The following NEDD1 variants were observed in gnomAD, a reference collection of about 807,000 sequenced individuals.
NEDD1 encodes the protein protein NEDD1.
In NEDD1, 33 loss-of-function variants were observed where a neutral mutation model predicts 74.0. The ratio of observed to expected loss-of-function variants is 0.45; its 90% CI spans 0.34 to 0.60. The LOEUF is 0.60. Ranked by LOEUF, NEDD1 falls within the 20% of genes least tolerant of loss-of-function variation. The pLI is 0.01. For synonymous variants in NEDD1, 250 were observed against 264.4 expected (o/e 0.95, Z 0.53); for missense variants, 746 against 776.5 (o/e 0.96, Z 0.47).
intron 3 of NEDD1, 21 bp downstream of exon 3, chr12:96,909,916 A>AC: frequency 5.8e-6 from 7 of 1,216,322 alleles, no homozygotes; most frequent in Admixed American, 2.4e-5. Flanking sequence ...AAAAAAAAAA[A>AC]CACACACACA....
intron 6 of NEDD1, among the ~76,000 whole-genome samples, chr12:96,924,641 G>C (rs1371707513): frequency 2.0e-5 from 3 of 151,824 alleles, no homozygotes; most frequent in Non-Finnish European, 4.4e-5. Flanking sequence ...GTTCATATTT[G>C]TCTTTTGTCA....
chr12:96,920,251 T>C, intron 6 of NEDD1, 126 bp downstream of exon 6: 1 of 552,960 alleles, frequency 1.8e-6, no homozygotes, highest in Non-Finnish European at 3.1e-6. Context: ...TAAATGGTAG[T>C]GTTTTAAAAT....
intron 6 of NEDD1, among the ~76,000 whole-genome samples, chr12:96,926,974 G>GAA (rs1165418250): frequency 8.4e-6 from 1 of 119,116 alleles, no homozygotes; most frequent in Admixed American, 9.2e-5. Flanking sequence ...GTGACAGAGC[G>GAA]AAAAAAAAAA....
chr12:96,927,052 T>C (rs1875788960), intron 6 of NEDD1, among the ~76,000 whole-genome samples: 1 of 152,064 alleles, frequency 6.6e-6, no homozygotes, highest in Non-Finnish European at 1.5e-5. Context: ...CATAAAAATT[T>C]CAAATCTGTC....
Position 96,944,805 on chromosome 12 carries a change from T to C in NEDD1, c.1654+10T>C. 3 of 1,520,746 alleles carry C rather than the reference T, an allele frequency of 2.0e-6. No homozygotes were observed. Among genetic ancestry groups the C allele is most frequent in the Non-Finnish European group, 2.6e-6 (3 of 1,137,376 alleles). The allele number at this position is 1,520,746 out of a possible 1,614,324, so 94.2% of individuals were successfully genotyped here. ...GGATCCTCAACTCCAAGTAAGTACA[T>C]GAAACTTCCTGATGTTTGAAAGTGT... On this transcript the variant is annotated intron_variant, in intron 13 of 15. Transcript: ENST00000266742.
chr12:96,951,443 A>G lies in NEDD1; in HGVS notation c.1823A>G (p.His608Arg), dbSNP rs759774469. 8 of 1,566,766 alleles carry G rather than the reference A, an allele frequency of 5.1e-6. No homozygotes were observed. The highest frequency in any genetic ancestry group is 5.3e-6 in the Non-Finnish European group (6 of 1,141,296). ...ETLDDFREAC[H>R]RDIVNLQVEM... The stretch of plus-strand genomic sequence containing the variant: ...TACATTCTTCCTAGAGAAGCATGCC[A>G]TAGGGACATTGTGAATTTGCAAGTG... The change falls in exon 15 of 16, where the codon CAT becomes CGT. Residue 608 changes from histidine (H) to arginine (R), a missense_variant. Physicochemically the swap from His to Arg is conservative, Grantham distance 29 (BLOSUM62 0). Transcript: ENST00000266742.
At chr12:96,916,947 G>C (rs1874530771) in intron 4 of NEDD1, among the ~76,000 whole-genome samples, 1 of 152,158 alleles carries the variant, frequency 6.6e-6, no homozygotes, top group Non-Finnish European at 1.5e-5. Flanking sequence ...ATTCATTCTT[G>C]GGTTGGAGTT....
At chr12:96,938,027 G>C (rs1877299909) in intron 9 of NEDD1, among the ~76,000 whole-genome samples, 1 of 151,938 alleles carries the variant, frequency 6.6e-6, no homozygotes, top group Admixed American at 6.6e-5. Context: ...AGTCTACATG[G>C]TATACTAGTA....
At chr12:96,923,921 ATGTT>A (rs1875408838) in intron 6 of NEDD1, among the ~76,000 whole-genome samples, 1 of 150,988 alleles carries the variant, frequency 6.6e-6, no homozygotes, top group African/African-American at 2.4e-5. Flanking sequence ...CTTTTCTTTT[ATGTT>A]TGTTGCTTTT....
At position 96,940,447 on chromosome 12, in the gene NEDD1, G is replaced by A; in HGVS notation, c.1156G>A (p.Glu386Lys). The change falls in exon 10 of 16, where the codon GAA (glutamate) becomes AAA (lysine). Residue 386 changes from glutamate (E) to lysine (K), a missense_variant. Physicochemically the swap from Glu to Lys is moderately conservative, Grantham distance 56. This residue lies in a region of NEDD1 where 706 missense variants were observed against 706.7 expected (regional missense o/e 1.00). Transcript: ENST00000266742. ...CATAAACACAGACACTTTATCTAAG[G>A]AAACAGACAGTGGAAAAAATCAGGA... The part of the protein sequence containing the change: ...RSINTDTLSK[E>K]TDSGKNQDFS... 6.2e-7 allele frequency: 1 copy of A among 1,602,610 alleles called. No homozygotes were observed.
chr12:96,921,817 T>G (rs1208771691), intron 6 of NEDD1, among the ~76,000 whole-genome samples: 5 of 151,114 alleles, frequency 3.3e-5, no homozygotes, highest in Non-Finnish European at 5.9e-5. Context: ...GGTCTCAGTA[T>G]GTTGTCCAGG....
At chr12:96,924,093 A>G (rs1231051896) in intron 6 of NEDD1, among the ~76,000 whole-genome samples, 1 of 152,156 alleles carries the variant, frequency 6.6e-6, no homozygotes, top group African/African-American at 2.4e-5. Context: ...TCCTATAGAT[A>G]TCTAATTGTA....
chr12:96,942,585 G>A lies in NEDD1; in HGVS notation c.1255G>A (p.Val419Ile). 1.3e-6 allele frequency: 2 copies of A among 1,488,438 alleles called. No homozygotes were observed. The highest frequency in any genetic ancestry group is 3.4e-4 in the Middle Eastern group (2 of 5,800). The allele number at this position is 1,488,438 out of a possible 1,614,324, so 92.2% of individuals were successfully genotyped here. ...MFSPIRDDAV[V>I]NKGSDESIGK... ...TTTCTAATTTGTTATAGATGCTGTA[G>A]TTAACAAGGGAAGTGATGAGTCCAT... Residue 419 changes from valine to isoleucine, a missense_variant, in exon 11 of 16, where the codon GTT (valine) becomes ATT (isoleucine). Physicochemically the swap from Val to Ile is conservative, Grantham distance 29. Coordinates refer to ENST00000266742, the MANE Select transcript of NEDD1 (RefSeq NM_152905.4).
At chr12:96,909,123 C>G (rs1308811237) in intron 2 of NEDD1, among the ~76,000 whole-genome samples, 2 of 150,280 alleles carry the variant, frequency 1.3e-5, no homozygotes, top group African/African-American at 4.9e-5. Context: ...TTGTGGTGAG[C>G]CGAGATCACA....
rs780673796 is a variant in NEDD1 at position 96,943,576 on chromosome 12, G to T, written c.1311G>T (p.Pro437=). 6.2e-7 allele frequency: 1 copy of T among 1,612,442 alleles called. No homozygotes were observed. The highest frequency in any genetic ancestry group is 2.2e-5 in the East Asian group (1 of 44,830). Residue 437 remains proline (P), a synonymous_variant, in exon 12 of 16, where the codon CCG becomes CCT. Transcript: ENST00000266742. ...IGKGDGFDFL[P]QLNSVFPPRK... ...CTTTTCCAGGCTTTGACTTTCTACCGCAGTTGAACTCAGTGTTTCCTCCAA... is the reference window on the plus strand; with the variant it reads ...CTTTTCCAGGCTTTGACTTTCTACCTCAGTTGAACTCAGTGTTTCCTCCAA...
At chr12:96,929,749 G>A (rs973587665) in intron 6 of NEDD1, among the ~76,000 whole-genome samples, 2 of 151,838 alleles carry the variant, frequency 1.3e-5, no homozygotes, top group African/African-American at 2.4e-5. Context: ...GATCTCCTCA[G>A]TGTGGGGCTC....
intron 10 of NEDD1, among the ~76,000 whole-genome samples, chr12:96,942,252 A>T (rs1877732156): frequency 6.6e-6 from 1 of 152,152 alleles, no homozygotes; most frequent in Non-Finnish European, 1.5e-5. Context: ...CCAAGGTCAC[A>T]AAGCTATTAA....
chr12:96,917,286 G>T (rs891100057), intron 4 of NEDD1, among the ~76,000 whole-genome samples: 1 of 152,196 alleles, frequency 6.6e-6, no homozygotes, highest in African/African-American at 2.4e-5. Context: ...AAATACAAGA[G>T]CAGGCTTTAT....
rs367598384 is a variant in NEDD1, at chr12:96,936,665, T to C, written c.774T>C (p.Pro258=). ...DTPLTAVDFM[P]DGATLAIGSS... ...CTCTAACTGCGGTAGATTTCATGCC[T>C]GATGGAGCCACTTTGGCTATTGGAT... Residue 258 remains proline, a synonymous_variant, in exon 8 of 16, where the codon CCT becomes CCC. Transcript: ENST00000266742. The C allele has an allele frequency of 6.2e-7, 1 of 1,613,786 alleles. No homozygotes were observed. Among genetic ancestry groups the C allele is most frequent in the African/African-American group, 1.3e-5 (1 of 74,932 alleles).
Sources: allele counts gnomAD v4.1 joint callset (sites outside exome capture counted in the v4.1 genomes callset), GRCh38; gene constraint gnomAD v4.1.1; regional missense constraint gnomAD v4.1.1; transcripts MANE v1.5; gene names NCBI Gene and HGNC (gene_info 2026-07-23, HGNC 2026-07-21).